The following PRDM5 variants were observed in gnomAD, a reference collection of about 807,000 sequenced individuals.
PRDM5 encodes PR/SET domain 5, also known as PR domain zinc finger protein 5.
Under a neutral mutation model 81.2 loss-of-function variants are expected in PRDM5, and 56 were observed. That is an observed-to-expected ratio of 0.69 (90% CI 0.56 to 0.86). PRDM5 has a LOEUF of 0.86. PRDM5 is among the 40% of genes least tolerant of loss of function. The probability of loss-of-function intolerance (pLI) is 0.00; values close to 1 mark genes in which losing one functional copy is unlikely to be tolerated. For synonymous variants in PRDM5, 267 were observed against 256.4 expected, an observed-to-expected ratio of 1.04 and a Z score of -0.39; for missense variants, 697 against 770.1, an observed-to-expected ratio of 0.91 and a Z score of 1.12.
intron 11 of PRDM5, among the ~76,000 whole-genome samples, chr4:120,783,546 A>T (rs1276602570): frequency 6.6e-6 from 1 of 152,136 alleles, no homozygotes; most frequent in African/African-American, 2.4e-5. Context: ...ATCAAGTCAA[A>T]TTTAGCCATA....
chr4:120,822,317 C>T (rs1755393623), intron 3 of PRDM5, among the ~76,000 whole-genome samples: 1 of 152,178 alleles, frequency 6.6e-6, no homozygotes, highest in Non-Finnish European at 1.5e-5. Flanking sequence ...AAAAGCAAAA[C>T]AGAGACTGAA....
At chr4:120,848,144 TGAA>T (rs1466360703) in intron 3 of PRDM5, among the ~76,000 whole-genome samples, 1 of 152,128 alleles carries the variant, frequency 6.6e-6, no homozygotes. Context: ...GATCTGTATA[TGAA>T]GAAGAAGCAG....
Position 120,837,022 on chromosome 4 carries a change from A to G in PRDM5, c.301-15677T>C, listed in dbSNP as rs1757442300. Among the ~76,000 whole-genome samples the G allele has an allele frequency of 3.3e-5, 5 of 152,182 alleles. No homozygotes were observed. The South Asian group carries it at 1.0e-3, about 31-fold the overall frequency. ...GGCTATTCTACCCACCTGCCTATCA[A>G]ATTCACCATGCTCTGGAGGTGACTT... is the stretch of plus-strand genomic sequence containing the variant. On this transcript the variant is annotated intron_variant, in intron 3 of 15. Transcript: ENST00000264808.
chr4:120,715,133 T>G (rs958678842), intron 14 of PRDM5, among the ~76,000 whole-genome samples: 1 of 152,124 alleles, frequency 6.6e-6, no homozygotes, highest in Non-Finnish European at 1.5e-5. Flanking sequence ...CCTGACACCA[T>G]GAAAAATCAA....
intron 2 of PRDM5, among the ~76,000 whole-genome samples, chr4:120,855,245 C>A (rs1389923281): frequency 6.6e-6 from 1 of 152,078 alleles, no homozygotes; most frequent in African/African-American, 2.4e-5. Flanking sequence ...TTCTTAAGTG[C>A]CCAAGGATCC....
Position 120,884,885 on chromosome 4 carries a change from C to G in PRDM5, c.177+22589G>C, listed in dbSNP as rs991518349. Among the ~76,000 whole-genome samples the G allele has an allele frequency of 1.3e-5, 2 of 152,020 alleles. 1 individual carries two copies. Among genetic ancestry groups the G allele is most frequent in the East Asian group, 3.9e-4 (2 of 5,142 alleles). On this transcript the variant is annotated intron_variant, in intron 2 of 15. Transcript: ENST00000264808. ...CCAGTTCAAAAAAAGAAACACTGGC[C>G]GGGCGCGGTGGCTCATGCCTGTAAT...
intron 1 of PRDM5, among the ~76,000 whole-genome samples, chr4:120,920,663 G>T (rs1724791721): frequency 6.6e-6 from 1 of 152,188 alleles, no homozygotes; most frequent in Non-Finnish European, 1.5e-5. Context: ...ACCTGTCCAT[G>T]ACCTTGTGAC....
intron 2 of PRDM5, among the ~76,000 whole-genome samples, chr4:120,901,606 C>T (rs1366596320): frequency 1.3e-5 from 2 of 152,168 alleles, no homozygotes; most frequent in South Asian, 2.1e-4. Context: ...AAAGTTCAAC[C>T]TCTATTTGTT....
At chr4:120,722,397 A>T (rs935961919) in intron 14 of PRDM5, among the ~76,000 whole-genome samples, 13 of 151,820 alleles carry the variant, frequency 8.6e-5, no homozygotes, top group Non-Finnish European at 1.9e-4. Flanking sequence ...CCTAGTCTAT[A>T]TCACTGCTAG....
intron 3 of PRDM5, among the ~76,000 whole-genome samples, chr4:120,848,816 T>C (rs968948239): frequency 3.3e-5 from 5 of 152,158 alleles, no homozygotes; most frequent in South Asian, 2.1e-4. Context: ...ACGGGACCAA[T>C]TGCATTTTTA....
chr4:120,858,506 C>G (rs1318540014), intron 2 of PRDM5, among the ~76,000 whole-genome samples: 1 of 152,058 alleles, frequency 6.6e-6, no homozygotes, highest in Admixed American at 6.5e-5. Flanking sequence ...GGGTTTTATT[C>G]CCCCACTGAT....
chr4:120,724,073 A>C (rs571006996), intron 14 of PRDM5, among the ~76,000 whole-genome samples: 2 of 152,042 alleles, frequency 1.3e-5, no homozygotes, highest in Non-Finnish European at 2.9e-5. Flanking sequence ...TCCTCTAAAA[A>C]GGTCTTTTCC....
At chr4:120,773,985 T>C (rs902533209) in intron 13 of PRDM5, among the ~76,000 whole-genome samples, 14 of 152,200 alleles carry the variant, frequency 9.2e-5, no homozygotes, top group African/African-American at 3.4e-4. Flanking sequence ...ATGTAATGGG[T>C]AATATTGTTA....
In PRDM5 at chr4:120,694,935, A is replaced by G. The variant is rs558671397; in HGVS notation, c.*176T>C. On this transcript the variant is annotated 3_prime_UTR_variant, in exon 16 of 16. Coordinates refer to ENST00000264808, the MANE Select transcript of PRDM5 (RefSeq NM_018699.4). ...TTTTCCATTTATACCATTTCTTGTT[A>G]AAAGTAAGACTTTTTTTTGGTTGCA... 179 of 693,842 alleles carry G rather than the reference A, an allele frequency of 2.6e-4. No individual in the cohort carries two copies. In the South Asian group the frequency reaches 2.6e-3, roughly 10 times the overall value. The allele number at this position is 693,842 out of a possible 1,614,324, so 43.0% of individuals were successfully genotyped here.
intron 14 of PRDM5, among the ~76,000 whole-genome samples, chr4:120,745,519 A>G (rs1314100694): frequency 1.3e-5 from 2 of 151,066 alleles, no homozygotes; most frequent in East Asian, 1.9e-4. Context: ...AGATGATTGT[A>G]TATCTAGAAA....
chr4:120,861,869 G>C (rs1760641628), intron 2 of PRDM5, among the ~76,000 whole-genome samples: 1 of 151,834 alleles, frequency 6.6e-6, no homozygotes, highest in South Asian at 2.1e-4. Flanking sequence ...AAAGGTTATA[G>C]AAACACTAAA....
At chr4:120,816,284 G>A (rs1754474453) in intron 7 of PRDM5, 169 bp downstream of exon 7, 1 of 1,015,932 alleles carries the variant, frequency 9.8e-7, no homozygotes, top group South Asian at 1.4e-5. Flanking sequence ...TTCAACCTGA[G>A]AAAGAAATAG....
intron 14 of PRDM5, among the ~76,000 whole-genome samples, chr4:120,750,499 AACACAGCAGCAGCAGCCC>A (rs1475453750): frequency 5.3e-5 from 8 of 152,182 alleles, no homozygotes; most frequent in Admixed American, 2.0e-4. Context: ...TCGCATGAAG[AACACAGCAGCAGCAGCCC>A]ACCCCCTGGA....
chr4:120,753,324 T>C (rs961859506), intron 14 of PRDM5, among the ~76,000 whole-genome samples: 12 of 152,192 alleles, frequency 7.9e-5, no homozygotes, highest in Non-Finnish European at 1.5e-4. Flanking sequence ...TAAACAGGAA[T>C]ATCTGTCTAA....
Sources: gnomAD v4.1 joint callset for allele counts (sites outside exome capture counted in the v4.1 genomes callset) on GRCh38, gnomAD v4.1.1 for gene constraint, MANE v1.5 for transcripts, NCBI Gene and HGNC (gene_info 2026-07-23, HGNC 2026-07-21) for gene names.